The following PCDHA2 variants were observed in gnomAD, a reference collection of about 807,000 sequenced individuals.
PCDHA2 encodes the protein protocadherin alpha-2.
In PCDHA2, 58 loss-of-function variants were observed where a neutral mutation model predicts 66.0. The observed-to-expected ratio is 0.88, with a 90% CI of 0.71 to 1.09. The LOEUF (loss-of-function observed/expected upper bound fraction) is 1.09, where lower values mean the gene tolerates loss of function less well. Among genes scored for constraint, PCDHA2 ranks in the 50% least tolerant of loss-of-function variants. The pLI is 0.00. For missense variants in PCDHA2, 1,267 were observed against 1,242.3 expected (o/e 1.02, Z -0.30); for synonymous variants, 634 against 554.0 (o/e 1.14, Z -2.03).
chr5:140,836,679 A>G (rs2150267656), intron 1 of PCDHA2: 3 of 1,613,334 alleles, frequency 1.9e-6, no homozygotes, highest in East Asian at 4.5e-5. Context: ...GGGCCCACCC[A>G]AGACAGACCT....
chr5:140,877,121 C>A, intron 1 of PCDHA2: 1 of 1,613,694 alleles, frequency 6.2e-7, no homozygotes, highest in African/African-American at 1.3e-5. Flanking sequence ...AGCAACGTGA[C>A]GCTGCAGGTG....
At chr5:140,807,057 TG>T in intron 1 of PCDHA2, 3 of 1,093,628 alleles carry the variant, frequency 2.7e-6, no homozygotes, top group Non-Finnish European at 4.0e-6. Flanking sequence ...CTATTCTTAC[TG>T]GAAGGAACCA....
rs782120132 is a variant in PCDHA2, at chr5:140,884,464, C to T, written c.2388+87112C>T. On this transcript the variant is annotated intron_variant, in intron 1 of 3. Coordinates refer to ENST00000526136, the MANE Select transcript of PCDHA2 (RefSeq NM_018905.3). ...CGGCACCGCCCACCGAGGGCGCGTG[C>T]GCGCCGGGCAAGCCCACTCTAGTGT... 51 of 1,613,768 alleles carry T rather than the reference C, an allele frequency of 3.2e-5. 1 individual carries two copies. In the East Asian group the frequency reaches 9.6e-4, roughly 30 times the overall value.
chr5:140,868,360 T>C (rs1403678889), intron 1 of PCDHA2: 1 of 152,130 alleles, frequency 6.6e-6, no homozygotes, highest in African/African-American at 2.4e-5. Context: ...AGCAATTAAA[T>C]GTAAATAACA....
rs145740989 is a variant in PCDHA2 at position 140,824,111 on chromosome 5, C to G, written c.2388+26759C>G. ...TTCAGTCCAAGCCTTCCTCAGGGTC[C>G]CACCTCTACAGACAACGTGAGTTTT... On this transcript the variant is annotated intron_variant, in intron 1 of 3. Transcript: ENST00000526136. The G allele has an allele frequency of 3.8e-5, 62 of 1,613,992 alleles. 1 individual carries two copies. In the South Asian group the frequency reaches 6.6e-4, roughly 17 times the overall value.
intron 1 of PCDHA2, among the ~76,000 whole-genome samples, chr5:140,910,929 A>G (rs2075237197): frequency 6.6e-6 from 1 of 152,176 alleles, no homozygotes; most frequent in Admixed American, 6.5e-5. Flanking sequence ...TATAAATAAG[A>G]AAGCTCAAGC....
chr5:140,902,996 A>G (rs2069931370), intron 1 of PCDHA2, among the ~76,000 whole-genome samples: 1 of 152,126 alleles, frequency 6.6e-6, no homozygotes, highest in Admixed American at 6.6e-5. Context: ...TATTTTTGCA[A>G]TTGTGAATTG....
intron 1 of PCDHA2, chr5:140,856,304 A>C (rs782114957): frequency 1.3e-5 from 21 of 1,598,432 alleles, no homozygotes; most frequent in Non-Finnish European, 1.8e-5. Flanking sequence ...TTTGTTTGTG[A>C]ATTCTCGGAT....
rs150949805 is a variant in PCDHA2, at chr5:141,009,832, C to T, written c.2742C>T (p.Phe914=). The stretch of plus-strand genomic sequence containing the variant: ...TTGACAAAAGTGACTTCATAACCTT[C>T]GGCAAAAAGGAGGAGACCAAGAAAA... ...SQIDKSDFIT[F]GKKEETKKKK... The change falls in exon 4 of 4, where the codon TTC becomes TTT. Residue 914 remains phenylalanine (F), a synonymous_variant. Coordinates refer to ENST00000526136, the MANE Select transcript of PCDHA2 (RefSeq NM_018905.3). The T allele has an allele frequency of 7.1e-5, 114 of 1,613,408 alleles. No individual in the cohort carries two copies. The highest frequency in any genetic ancestry group is 9.2e-5 in the Non-Finnish European group (109 of 1,179,918).
In PCDHA2 at chr5:140,884,802, ACTCTGC is replaced by A. The variant is rs2060361534; in HGVS notation, c.2388+87451_2388+87456del. The A allele has an allele frequency of 4.1e-6, 5 of 1,232,140 alleles. No individual in the cohort carries two copies. The South Asian group carries it at 9.1e-5, about 22-fold the overall frequency. The allele number at this position is 1,232,140 out of a possible 1,614,324, so 76.3% of individuals were successfully genotyped here. A position where few individuals can be genotyped will look rare whatever the true frequency, so the allele number is the denominator to read the frequency against. ...TTGCTAGTTGTTATCGAATTTAACA[ACTCTGC>A]TGTGGACATTATGTGTTGGATTATC... is the stretch of plus-strand genomic sequence containing the variant. On this transcript the variant is annotated intron_variant, in intron 1 of 3. Transcript: ENST00000526136.
intron 1 of PCDHA2, chr5:140,857,488 C>A (rs782255025): frequency 6.3e-7 from 1 of 1,598,442 alleles, no homozygotes; most frequent in South Asian, 1.1e-5. Context: ...CTGCGTGGGA[C>A]GCGGACGCGC....
chr5:140,816,333 A>T (rs940980796), intron 1 of PCDHA2: 1 of 152,166 alleles, frequency 6.6e-6, no homozygotes, highest in African/African-American at 2.4e-5. Flanking sequence ...TGTATTCTTC[A>T]GTTCCAAAAT....
intron 1 of PCDHA2, among the ~76,000 whole-genome samples, chr5:140,948,785 G>T (rs2094304738): frequency 6.6e-6 from 1 of 151,242 alleles, no homozygotes; most frequent in South Asian, 2.1e-4. Flanking sequence ...TTTTGGCTTT[G>T]TTGATATATT....
intron 1 of PCDHA2, among the ~76,000 whole-genome samples, chr5:140,895,936 G>A (rs1428112046): frequency 6.6e-6 from 1 of 151,984 alleles, no homozygotes; most frequent in Non-Finnish European, 1.5e-5. Context: ...TCAGCCTCCC[G>A]AGTAGCTGGG....
chr5:140,799,515 G>A (rs2149938087), intron 1 of PCDHA2, among the ~76,000 whole-genome samples: 1 of 151,944 alleles, frequency 6.6e-6, no homozygotes, highest in South Asian at 2.1e-4. Context: ...ATGCTTAAAT[G>A]TTTACTTACT....
chr5:140,967,116 G>T, intron 1 of PCDHA2: 1 of 1,612,922 alleles, frequency 6.2e-7, no homozygotes, highest in Non-Finnish European at 8.5e-7. Flanking sequence ...CGGCCTCGCT[G>T]CCTGCTCAGC....
chr5:140,843,886 T>A, intron 1 of PCDHA2: 1 of 704,592 alleles, frequency 1.4e-6, no homozygotes, highest in Non-Finnish European at 2.3e-6. Context: ...CATAATACAG[T>A]ATTAATCATT....
intron 1 of PCDHA2, among the ~76,000 whole-genome samples, chr5:140,826,177 T>A (rs1310139687): frequency 6.6e-6 from 1 of 152,232 alleles, no homozygotes; most frequent in African/African-American, 2.4e-5. Context: ...TGTCATTCTA[T>A]AAATCTAAAG....
chr5:140,855,882 T>C (rs1248405239), intron 1 of PCDHA2: 3 of 945,936 alleles, frequency 3.2e-6, no homozygotes, highest in Admixed American at 3.1e-5. Context: ...AATAGCTTTT[T>C]AGAACAAAGG....
Sources: gnomAD v4.1 joint callset for allele counts (sites outside exome capture counted in the v4.1 genomes callset) on GRCh38, gnomAD v4.1.1 for gene constraint, MANE v1.5 for transcripts, NCBI Gene and HGNC (gene_info 2026-07-23, HGNC 2026-07-21) for gene names.